Variants in SLC39A6 observed in about 807,000 individuals in gnomAD.
SLC39A6 encodes the protein solute carrier family 39 member 6, also known as zinc transporter ZIP6.
In SLC39A6, 51 loss-of-function variants were observed where a neutral mutation model predicts 63.5. The ratio of observed to expected loss-of-function variants is 0.80; its 90% confidence interval spans 0.64 to 1.01. SLC39A6 has a LOEUF of 1.01. Among genes scored for constraint, SLC39A6 ranks in the 50% least tolerant of loss-of-function variants. The pLI, the probability that SLC39A6 is intolerant of heterozygous loss-of-function variation, is 0.00. For synonymous variants in SLC39A6, 318 were observed against 324.7 expected (o/e 0.98, Z 0.22); for missense variants, 805 against 927.8 (o/e 0.87, Z 1.72).
intron 7 of SLC39A6, among the ~76,000 whole-genome samples, chr18:36,113,240 G>C (rs953271582): frequency 6.6e-6 from 1 of 151,888 alleles, no homozygotes; most frequent in Non-Finnish European, 1.5e-5. Flanking sequence ...GACTACAGGT[G>C]TGTACCACCA....
At position 36,125,993 on chromosome 18, in the gene SLC39A6, C is replaced by T. The variant is rs186215105; in HGVS notation, c.789+226G>A. ...CTGTATTAGAAAAAATTGTAGGAGG[C>T]AGCACTACGCTCACCAAAAGAACTG... On this transcript the variant is annotated intron_variant, in intron 2 of 9. Coordinates refer to ENST00000269187, the MANE Select transcript of SLC39A6 (RefSeq NM_012319.4). 4.9e-4 allele frequency among the ~76,000 whole-genome samples: 74 copies of T among 152,310 alleles called. No homozygotes were observed. In the Middle Eastern group the frequency reaches 0.017, roughly 35 times the overall value.
At chr18:36,126,173 G>C (rs750559644) in intron 2 of SLC39A6, 46 bp downstream of exon 2, 21 of 1,508,442 alleles carry the variant, frequency 1.4e-5, no homozygotes, top group Non-Finnish European at 1.7e-5. Context: ...GCAGAGACAG[G>C]ACAGACACAC....
At chr18:36,121,809 C>T (rs2089396623) in intron 5 of SLC39A6, among the ~76,000 whole-genome samples, 1 of 152,168 alleles carries the variant, frequency 6.6e-6, no homozygotes, top group African/African-American at 2.4e-5. Context: ...AGATGTTCAT[C>T]CTTGCTTTTC....
intron 6 of SLC39A6, among the ~76,000 whole-genome samples, chr18:36,115,815 C>G (rs1025651627): frequency 2.6e-5 from 4 of 152,128 alleles, no homozygotes; most frequent in African/African-American, 9.7e-5. Flanking sequence ...TTAACTCAGT[C>G]TGTCCGACAA....
chr18:36,119,758 G>C (rs984527140), intron 5 of SLC39A6, among the ~76,000 whole-genome samples: 54 of 152,222 alleles, frequency 3.5e-4, no homozygotes, highest in Non-Finnish European at 8.8e-5. Flanking sequence ...GCATGAGCCT[G>C]TAGTCTCAGT....
chr18:36,115,358 C>T (rs1037993969), intron 6 of SLC39A6, among the ~76,000 whole-genome samples: 3 of 151,510 alleles, frequency 2.0e-5, no homozygotes, highest in African/African-American at 7.3e-5. Flanking sequence ...AGGAGAATGG[C>T]GTGAACCCGG....
rs2089281825 is a variant in SLC39A6 at position 36,109,156 on chromosome 18, T to C, written c.*437A>G. The stretch of plus-strand genomic sequence containing the variant: ...CCTCCCCAATTCTCAGATTCTTCTC[T>C]TTTCTCCTTTATTTCTTTGCTTAAA... On this transcript the variant is annotated 3_prime_UTR_variant, in exon 10 of 10. Transcript: ENST00000269187. 6.6e-6 allele frequency: 1 copy of C among 152,308 alleles called. No homozygotes were observed. The highest frequency in any genetic ancestry group is 6.5e-5 in the Admixed American group (1 of 15,286). The allele number at this position is 152,308 out of a possible 1,614,324, so 9.4% of individuals were successfully genotyped here.
Position 36,129,168 on chromosome 18 carries a change from C to T in SLC39A6, c.-64G>A, listed in dbSNP as rs1260020328. 6.6e-6 allele frequency: 1 copy of T among 152,492 alleles called. No homozygotes were observed. The highest frequency in any genetic ancestry group is 1.5e-5 in the Non-Finnish European group (1 of 68,216). The allele number at this position is 152,492 out of a possible 1,614,324, so 9.4% of individuals were successfully genotyped here. On this transcript the variant is annotated 5_prime_UTR_variant, in exon 1 of 10. The change creates a new upstream start codon in the 5' untranslated region. Transcript: ENST00000269187. ...GGCCACGCGCGCAGGTTTGGTTCCA[C>T]ACGGGCGGTCCAGAGGGCTCGGAAC...
chr18:36,125,808 T>C (rs1001668369), intron 2 of SLC39A6, among the ~76,000 whole-genome samples: 4 of 152,138 alleles, frequency 2.6e-5, no homozygotes, highest in African/African-American at 9.7e-5. Context: ...AGCAGTGGTA[T>C]TCTCAGTAGT....
chr18:36,109,228 T>C lies in SLC39A6; in HGVS notation c.*365A>G, dbSNP rs1478626757. ...ATTTTAGGCTTCATGCACATTCTTA[T>C]TCCTAAACACCAGCAGTTCTTCAGA... On this transcript the variant is annotated 3_prime_UTR_variant, in exon 10 of 10. Transcript: ENST00000269187. 1 of 155,464 alleles carries C rather than the reference T, an allele frequency of 6.4e-6. No homozygotes were observed. The allele number at this position is 155,464 out of a possible 1,614,324, so 9.6% of individuals were successfully genotyped here.
chr18:36,109,681 A>G lies in SLC39A6; in HGVS notation c.2180T>C (p.Leu727Ser). 6.2e-7 allele frequency: 1 copy of G among 1,612,338 alleles called. No individual in the cohort carries two copies. The highest frequency in any genetic ancestry group is 1.1e-5 in the South Asian group (1 of 91,018). The change falls in exon 10 of 10, where the codon TTA becomes TCA. Residue 727 changes from leucine (L) to serine (S), a missense_variant. Leu to Ser is a moderately radical substitution (Grantham distance 145). Coordinates refer to ENST00000269187, the MANE Select transcript of SLC39A6 (RefSeq NM_012319.4). ...HGCSRWGYFF[L>S]QNAGMLLGFG... ...ACCCAAAAGCATCCCAGCATTCTGTAAAAAGAAATACCCCCAGCGGCTACA... is the reference window on the plus strand; with the variant it reads ...ACCCAAAAGCATCCCAGCATTCTGTGAAAAGAAATACCCCCAGCGGCTACA...
Position 36,109,523 on chromosome 18 carries a change from C to G in SLC39A6, c.*70G>C. On this transcript the variant is annotated 3_prime_UTR_variant, in exon 10 of 10. Coordinates refer to ENST00000269187, the MANE Select transcript of SLC39A6 (RefSeq NM_012319.4). The stretch of plus-strand genomic sequence containing the variant: ...TTTAAACGCTGCATAGTACAGCATA[C>G]AAACTCATCTCCCTATGACCTACTG... 4.7e-6 allele frequency: 6 copies of G among 1,278,974 alleles called. No individual in the cohort carries two copies. Among genetic ancestry groups the G allele is most frequent in the Non-Finnish European group, 6.6e-6 (6 of 903,322 alleles). 79.2% of individuals were successfully genotyped at this position (1,278,974 alleles called of 1,614,324 possible). A position where few individuals can be genotyped will look rare whatever the true frequency, so the allele number is the denominator to read the frequency against.
intron 6 of SLC39A6, 90 bp from the exon 7 acceptor site, chr18:36,114,564 G>C (rs1204045968): frequency 1.0e-6 from 1 of 1,004,856 alleles, no homozygotes; most frequent in East Asian, 2.4e-5. Flanking sequence ...AAAGTCAACA[G>C]AAGATCTTAA....
At chr18:36,123,281 A>T (rs949748883) in intron 4 of SLC39A6, among the ~76,000 whole-genome samples, 15 of 152,364 alleles carry the variant, frequency 9.8e-5, no homozygotes, top group African/African-American at 3.6e-4. Context: ...TCAAAAAGTT[A>T]AATTAGTCTG....
Position 36,124,666 on chromosome 18 carries a change from C to T in SLC39A6, c.824G>A (p.Gly275Asp). The change falls in exon 3 of 10, where the codon GGC (glycine) becomes GAC (aspartate). Residue 275 changes from glycine to aspartate, a missense_variant. By Grantham distance (94) the Gly-to-Asp change is moderately conservative. This residue lies in a region of SLC39A6 where 639 missense variants were observed against 644.0 expected (regional missense o/e 0.99). Transcript: ENST00000269187. ...ATTCAGCGGAACCTGGATGCCCATG[C>T]CATGAGATGTCAGTAGCTTTGATGC... ...FNASKLLTSH[G>D]MGIQVPLNAT... 1 of 1,575,902 alleles carries T rather than the reference C, an allele frequency of 6.3e-7. No individual in the cohort carries two copies. The highest frequency in any genetic ancestry group is 8.7e-7 in the Non-Finnish European group (1 of 1,150,148).
At position 36,126,900 on chromosome 18, in the gene SLC39A6, A is replaced by G. The variant is rs751319197; in HGVS notation, c.108T>C (p.Ile36=). Residue 36 remains isoleucine, a synonymous_variant, in exon 2 of 10, where the codon ATT becomes ATC. Coordinates refer to ENST00000269187, the MANE Select transcript of SLC39A6 (RefSeq NM_012319.4). ...AAAFPQTTEK[I]SPNWESGINV... is the part of the protein sequence containing the mutation. ...TAATGCCAGATTCCCAATTCGGACT[A>G]ATTTTCTCAGTGGTCTGGGGGAAAG... The G allele has an allele frequency of 1.9e-6, 3 of 1,614,140 alleles. No individual in the cohort carries two copies. Among genetic ancestry groups the G allele is most frequent in the South Asian group, 1.1e-5 (1 of 91,076 alleles).
chr18:36,113,809 T>C (rs1248578252), intron 7 of SLC39A6, among the ~76,000 whole-genome samples: 2 of 152,136 alleles, frequency 1.3e-5, no homozygotes, highest in Non-Finnish European at 2.9e-5. Context: ...ATCTCATACA[T>C]GCACCATACA....
At position 36,129,287 on chromosome 18, in the gene SLC39A6, G is replaced by A. The variant is rs2089498972; in HGVS notation, c.-183C>T. ...CCCCTCGGTCCGGGGGCAGCGCCGC[G>A]CAGCCACCCGGCAGCCGCGCCCCTA... On this transcript the variant is annotated 5_prime_UTR_variant, in exon 1 of 10. Transcript: ENST00000269187. The A allele has an allele frequency of 1.3e-5, 2 of 158,110 alleles. No individual in the cohort carries two copies. Among genetic ancestry groups the A allele is most frequent in the South Asian group, 3.4e-4 (2 of 5,830 alleles). 9.8% of individuals were successfully genotyped at this position (158,110 alleles called of 1,614,324 possible). A position where few individuals can be genotyped will look rare whatever the true frequency, so the allele number is the denominator to read the frequency against.
Position 36,112,594 on chromosome 18 carries a change from CA to C in SLC39A6, c.1844-14del. 1 of 1,606,420 alleles carries C rather than the reference CA, an allele frequency of 6.2e-7. No homozygotes were observed. The highest frequency in any genetic ancestry group is 8.5e-7 in the Non-Finnish European group (1 of 1,174,352). ...GTAAAAGCAGCACCTGTGTAAAAAT[CA>C]ATCAGAAAAAGTTTGGCTACATTAA... On this transcript the variant is annotated splice_polypyrimidine_tract_variant and intron_variant, in intron 7 of 9. Transcript: ENST00000269187.
Sources: allele counts gnomAD v4.1 joint callset (sites outside exome capture counted in the v4.1 genomes callset), GRCh38; gene constraint gnomAD v4.1.1; regional missense constraint gnomAD v4.1.1; transcripts MANE v1.5; gene names NCBI Gene and HGNC (gene_info 2026-07-23, HGNC 2026-07-21).